NTRK2: variants seen among roughly 807,000 people sequenced by gnomAD.
The protein encoded by NTRK2 is BDNF/NT-3 growth factors receptor.
A neutral mutation model predicts 94.5 loss-of-function variants in NTRK2; 13 were observed. The observed-to-expected ratio is 0.14, with a 90% CI of 0.09 to 0.22. NTRK2 has a LOEUF of 0.22. Among genes scored for constraint, NTRK2 ranks in the 10% least tolerant of loss-of-function variants. The pLI is 1.00. For synonymous variants in NTRK2, 372 were observed against 407.4 expected, an observed-to-expected ratio of 0.91 and a Z score of 1.05; for missense variants, 639 against 1,071.2, an observed-to-expected ratio of 0.60 and a Z score of 5.63.
intron 13 of NTRK2, among the ~76,000 whole-genome samples, chr9:84,861,339 G>A (rs567060782): frequency 2.6e-5 from 4 of 152,104 alleles, no homozygotes; most frequent in Admixed American, 6.5e-5. Flanking sequence ...GTTAACTGTC[G>A]TTCCAGTTCT....
chr9:84,746,429 G>A (rs151026315), intron 11 of NTRK2, among the ~76,000 whole-genome samples: 28 of 152,212 alleles, frequency 1.8e-4, no homozygotes, highest in African/African-American at 5.3e-4. Flanking sequence ...GCATGACCAC[G>A]CAGCCTCCTA....
chr9:84,852,272 G>C (rs2074814126), intron 12 of NTRK2, among the ~76,000 whole-genome samples: 1 of 152,220 alleles, frequency 6.6e-6, no homozygotes, highest in South Asian at 2.1e-4. Flanking sequence ...AACCAGCATG[G>C]CTTTGCAGAG....
intron 12 of NTRK2, among the ~76,000 whole-genome samples, chr9:84,775,253 G>A (rs756091887): frequency 3.9e-5 from 6 of 152,210 alleles, no homozygotes; most frequent in Non-Finnish European, 7.3e-5. Context: ...AGAGAGAATT[G>A]AATCTGCTTT....
At chr9:84,954,225 A>G (rs1457391294) in intron 16 of NTRK2, among the ~76,000 whole-genome samples, 1 of 152,234 alleles carries the variant, frequency 6.6e-6, no homozygotes, top group Admixed American at 6.5e-5. Context: ...AGAGCCCGAC[A>G]GCAAACCCCG....
chr9:84,729,307 A>C (rs905403453), intron 9 of NTRK2, among the ~76,000 whole-genome samples: 1 of 152,254 alleles, frequency 6.6e-6, no homozygotes, highest in African/African-American at 2.4e-5. Context: ...CTTCAGGAGC[A>C]CATAAAACAA....
intron 12 of NTRK2, among the ~76,000 whole-genome samples, chr9:84,826,232 G>C (rs1434113203): frequency 6.6e-6 from 1 of 152,132 alleles, no homozygotes; most frequent in East Asian, 1.9e-4. Flanking sequence ...GTTCCTTTTG[G>C]AGGACCTGAG....
Position 84,670,678 on chromosome 9 carries a change from C to T in NTRK2, c.-71C>T. The stretch of plus-strand genomic sequence containing the variant: ...GAGCCGCAAGCGCAGGGAAGGCCTC[C>T]CCGCACGGGTGGGGGAAAGCGGCCG... On this transcript the variant is annotated 5_prime_UTR_variant, in exon 2 of 19. Transcript: ENST00000277120. 3 of 1,524,828 alleles carry T rather than the reference C, an allele frequency of 2.0e-6. No individual in the cohort carries two copies. Among genetic ancestry groups the T allele is most frequent in the Non-Finnish European group, 2.7e-6 (3 of 1,108,918 alleles). 94.5% of individuals were successfully genotyped at this position (1,524,828 alleles called of 1,614,324 possible).
At chr9:84,820,607 G>A (rs1238807019) in intron 12 of NTRK2, among the ~76,000 whole-genome samples, 2 of 152,076 alleles carry the variant, frequency 1.3e-5, no homozygotes, top group Non-Finnish European at 2.9e-5. Flanking sequence ...TATGTTACAA[G>A]GTTCATCTGT....
rs946765954 is a variant in NTRK2 at position 84,726,759 on chromosome 9, A to G, written c.854-895A>G. On this transcript the variant is annotated intron_variant, in intron 8 of 18. Transcript: ENST00000277120. ...ACTTTGGTTTCTTCATCTGAAAAAA[A>G]TGATGCTATTAGATCTCAAAGGTCT... Among the ~76,000 whole-genome samples the G allele has an allele frequency of 2.0e-5, 3 of 152,202 alleles. No homozygotes were observed. In the South Asian group the frequency reaches 6.2e-4, roughly 32 times the overall value.
chr9:84,884,003 A>C (rs2076341340), intron 14 of NTRK2, among the ~76,000 whole-genome samples: 1 of 152,216 alleles, frequency 6.6e-6, no homozygotes. Context: ...CCTCCTTGCA[A>C]ATTCTAAAGT....
intron 12 of NTRK2, among the ~76,000 whole-genome samples, chr9:84,796,264 G>A (rs959356105): frequency 6.6e-6 from 1 of 151,956 alleles, no homozygotes; most frequent in Non-Finnish European, 1.5e-5. Flanking sequence ...GTGACCTAGT[G>A]GTCTCAAAAA....
rs772246056 is a variant in NTRK2 at position 85,020,304 on chromosome 9, C to T, written c.2271C>T (p.Val757=). The stretch of plus-strand genomic sequence containing the variant: ...AAAGCGACGTCTGGAGCCTGGGGGT[C>T]GTGTTGTGGGAGATTTTCACCTATG... ...TTESDVWSLG[V]VLWEIFTYGK... is the part of the protein sequence containing the mutation. The change falls in exon 18 of 19, where the codon GTC becomes GTT. Residue 757 remains valine (V), a synonymous_variant. Transcript: ENST00000277120. The T allele has an allele frequency of 5.0e-6, 8 of 1,614,078 alleles. No homozygotes were observed. Among genetic ancestry groups the T allele is most frequent in the Admixed American group, 1.7e-5 (1 of 60,018 alleles).
intron 14 of NTRK2, chr9:84,875,563 G>A: frequency 9.4e-7 from 1 of 1,063,058 alleles, no homozygotes; most frequent in Non-Finnish European, 1.1e-6. Flanking sequence ...CTTTCAAAGA[G>A]CCGAGTATGC....
chr9:84,827,916 A>G (rs1015849738), intron 12 of NTRK2, among the ~76,000 whole-genome samples: 4 of 152,042 alleles, frequency 2.6e-5, no homozygotes, highest in African/African-American at 4.8e-5. Context: ...AGCATTGCCC[A>G]TTTTTCCCTC....
intron 12 of NTRK2, among the ~76,000 whole-genome samples, chr9:84,857,113 T>A (rs2075103590): frequency 6.6e-6 from 1 of 152,152 alleles, no homozygotes; most frequent in African/African-American, 2.4e-5. Context: ...GTGTTTTTTT[T>A]TTGCCATTTA....
intron 14 of NTRK2, among the ~76,000 whole-genome samples, chr9:84,923,038 C>T (rs1564467355): frequency 6.6e-6 from 1 of 152,154 alleles, no homozygotes; most frequent in African/African-American, 2.4e-5. Context: ...AAAAATATTG[C>T]CTGTGACCCT....
rs1298301366 is a variant in NTRK2 at position 84,897,791 on chromosome 9, T to C, written c.1633+30360T>C. 2.6e-5 allele frequency among the ~76,000 whole-genome samples: 4 copies of C among 152,212 alleles called. 1 individual carries two copies. Among genetic ancestry groups the C allele is most frequent in the Non-Finnish European group, 5.9e-5 (4 of 68,036 alleles). On this transcript the variant is annotated intron_variant, in intron 14 of 18. Transcript: ENST00000277120. ...CTCATTACTCACTTTGGCCGGAGCATTGGTGAACTCCTTGTTGCACCTGCC... is the reference window on the plus strand; with the variant it reads ...CTCATTACTCACTTTGGCCGGAGCACTGGTGAACTCCTTGTTGCACCTGCC...
At chr9:84,986,494 G>T (rs987183365) in intron 17 of NTRK2, among the ~76,000 whole-genome samples, 2 of 152,182 alleles carry the variant, frequency 1.3e-5, no homozygotes, top group Non-Finnish European at 1.5e-5. Context: ...AGGCAGTAAT[G>T]CTCTCTTGCC....
intron 12 of NTRK2, among the ~76,000 whole-genome samples, chr9:84,809,645 G>C (rs1485777086): frequency 1.3e-5 from 2 of 151,536 alleles, no homozygotes; most frequent in East Asian, 3.9e-4. Context: ...ACTTTGGGAG[G>C]CCGAGGTGGG....
Sources: gnomAD v4.1 joint callset for allele counts (sites outside exome capture counted in the v4.1 genomes callset) on GRCh38, gnomAD v4.1.1 for gene constraint, MANE v1.5 for transcripts, NCBI Gene and HGNC (gene_info 2026-07-23, HGNC 2026-07-21) for gene names.